Variants in GOSR2 observed in about 807,000 individuals in gnomAD.
GOSR2 encodes the protein golgi SNAP receptor complex member 2.
GOSR2 carries 20 observed loss-of-function variants against 27.9 expected under a neutral mutation model. The ratio of observed to expected loss-of-function variants is 0.72; its 90% CI spans 0.50 to 1.04. GOSR2 has a LOEUF of 1.04. Ranked by LOEUF, GOSR2 falls within the 50% of genes least tolerant of loss-of-function variation. The pLI is 0.00. For missense variants in GOSR2, 261 were observed against 270.5 expected, an observed-to-expected ratio of 0.97 and a Z score of 0.25; for synonymous variants, 91 against 98.8, an observed-to-expected ratio of 0.92 and a Z score of 0.47.
intron 5 of GOSR2, chr17:46,935,562 C>A: frequency 8.4e-7 from 1 of 1,194,744 alleles, no homozygotes; most frequent in Non-Finnish European, 1.0e-6. Flanking sequence ...CCCTTAGGAC[C>A]CCTACTGTGG....
intron 1 of GOSR2, among the ~76,000 whole-genome samples, chr17:46,925,914 T>G (rs890897895): frequency 6.6e-6 from 1 of 152,212 alleles, no homozygotes; most frequent in Non-Finnish European, 1.5e-5. Context: ...TAGATGAACT[T>G]TATAGAGGAG....
chr17:46,930,617 A>G (rs1598974079), intron 2 of GOSR2: 1 of 158,940 alleles, frequency 6.3e-6, no homozygotes, highest in East Asian at 1.9e-4. Flanking sequence ...TCTTCTCTGT[A>G]TGTTTCACAT....
At chr17:46,967,288 T>C (rs1324995735), downstream of GOSR2, among the ~76,000 whole-genome samples, 1 of 152,182 alleles carries the variant, frequency 6.6e-6, no homozygotes, top group African/African-American at 2.4e-5. Flanking sequence ...CTCAAACAAG[T>C]CTCTTACCCT....
At chr17:46,931,669 G>T in intron 3 of GOSR2, 1 of 174,770 alleles carries the variant, frequency 5.7e-6, no homozygotes. Context: ...CACCCCCAGC[G>T]CCTGTTTCCA....
At chr17:46,935,710 C>T (rs191127704) in intron 5 of GOSR2, 7 of 988,728 alleles carry the variant, frequency 7.1e-6, no homozygotes, top group Admixed American at 1.2e-4. Flanking sequence ...GTGATCCCAG[C>T]GACTCTTCAC....
chr17:46,969,452 G>C (rs919091420), downstream of GOSR2, among the ~76,000 whole-genome samples: 2 of 152,160 alleles, frequency 1.3e-5, no homozygotes, highest in African/African-American at 4.8e-5. Context: ...TTTCCCCTAT[G>C]TCACAGTGAG....
rs112865738 is a variant in GOSR2 at position 46,953,697 on chromosome 17, G to C, written c.584-12837G>C. 8.6e-5 allele frequency among the ~76,000 whole-genome samples: 13 copies of C among 151,974 alleles called. No homozygotes were observed. In the East Asian group the frequency reaches 2.1e-3, roughly 25 times the overall value. ...AAAGTGTTCCTATTTCTCTCCAGCA[G>C]CTGTTGTTTCCTGACTTTTTAATGA... is the stretch of plus-strand genomic sequence containing the variant. On this transcript the variant is annotated intron_variant, in intron 6 of 6. Coordinates refer to the GOSR2 transcript ENST00000573224.
intron 6 of GOSR2, among the ~76,000 whole-genome samples, chr17:46,953,372 T>G (rs908744388): frequency 6.6e-6 from 1 of 152,232 alleles, no homozygotes; most frequent in African/African-American, 2.4e-5. Flanking sequence ...ACAAAGAATA[T>G]GAGCTCATCA....
At chr17:46,948,297 A>G (rs1254146111) in intron 6 of GOSR2, among the ~76,000 whole-genome samples, 2 of 152,234 alleles carry the variant, frequency 1.3e-5, no homozygotes, top group Non-Finnish European at 2.9e-5. Context: ...ACAGCCCAGG[A>G]CATAGAAAGA....
intron 3 of GOSR2, chr17:46,931,581 A>G (rs1416600424): frequency 6.3e-6 from 2 of 317,958 alleles, no homozygotes; most frequent in Non-Finnish European, 1.2e-5. Context: ...CACTTCAATC[A>G]GTCCACCCAT....
chr17:46,936,491 G>T (rs1262568034), intron 5 of GOSR2: 1 of 985,446 alleles, frequency 1.0e-6, no homozygotes, highest in Non-Finnish European at 1.2e-6. Flanking sequence ...TGGCTACCTG[G>T]TGTTTGTCTC....
At chr17:46,973,171 G>A (rs535861004) in intron 6 of GOSR2, 20 of 153,786 alleles carry the variant, frequency 1.3e-4, no homozygotes, top group Middle Eastern at 5.2e-4. Flanking sequence ...CTGGAATGCC[G>A]GATGAGGGCC....
At chr17:46,957,697 G>A (rs942224257) in intron 6 of GOSR2, among the ~76,000 whole-genome samples, 1 of 152,204 alleles carries the variant, frequency 6.6e-6, no homozygotes, top group Admixed American at 6.5e-5. Context: ...AGGACATGAA[G>A]GAAGATTTGT....
Position 46,936,831 on chromosome 17 carries a change from G to A in GOSR2, c.477+1662G>A, listed in dbSNP as rs1265754920. ...CTGATCTCTGATGGCAATGAAGTTT[G>A]ACTTGTAATTTCTCTGGCTGAGGCT... On this transcript the variant is annotated intron_variant, in intron 5 of 5. Coordinates refer to ENST00000640051, the MANE Select transcript of GOSR2 (RefSeq NM_004287.5). The A allele has an allele frequency of 1.0e-5, 10 of 984,962 alleles. No individual in the cohort carries two copies. In the Middle Eastern group the frequency reaches 2.1e-3, roughly 204 times the overall value. 61.0% of individuals were successfully genotyped at this position (984,962 alleles called of 1,614,324 possible). A position where few individuals can be genotyped will look rare whatever the true frequency, so the allele number is the denominator to read the frequency against.
chr17:46,956,122 T>C (rs1340267444), intron 6 of GOSR2, among the ~76,000 whole-genome samples: 2 of 152,054 alleles, frequency 1.3e-5, no homozygotes, highest in Non-Finnish European at 2.9e-5. Context: ...AGGGTCCATC[T>C]TAACCTTCAG....
At position 46,939,363 on chromosome 17, in the gene GOSR2, A is replaced by ATAACAAGTAAGAT; in HGVS notation, c.*605_*617dup. On this transcript the variant is annotated 3_prime_UTR_variant, in exon 6 of 6. Transcript: ENST00000640051. The stretch of plus-strand genomic sequence containing the variant: ...GAAACAAGATGTAGTGCTATTGCCG[A>ATAACAAGTAAGAT]TAACAAGTAAGATTTTCCACACTAC... 2.0e-6 allele frequency: 2 copies of ATAACAAGTAAGAT among 1,002,624 alleles called. No individual in the cohort carries two copies. Among genetic ancestry groups the ATAACAAGTAAGAT allele is most frequent in the Non-Finnish European group, 2.4e-6 (2 of 838,286 alleles). 62.1% of individuals were successfully genotyped at this position (1,002,624 alleles called of 1,614,324 possible). A position where few individuals can be genotyped will look rare whatever the true frequency, so the allele number is the denominator to read the frequency against.
intron 6 of GOSR2, among the ~76,000 whole-genome samples, chr17:46,954,527 A>G (rs1372358566): frequency 1.3e-5 from 2 of 152,192 alleles, no homozygotes; most frequent in African/African-American, 4.8e-5. Flanking sequence ...TTGGTTCCAT[A>G]TGAACTTTAA....
chr17:46,936,298 A>C (rs576902731), intron 5 of GOSR2: 1 of 985,114 alleles, frequency 1.0e-6, no homozygotes, highest in Non-Finnish European at 1.2e-6. Flanking sequence ...ACTCCATGTC[A>C]CACTGATGAA....
chr17:46,965,335 T>C (rs1361293931), intron 6 of GOSR2, among the ~76,000 whole-genome samples: 2 of 152,246 alleles, frequency 1.3e-5, no homozygotes, highest in Admixed American at 1.3e-4. Context: ...TGACAAAGCC[T>C]GAGTGTTGCC....
Sources: gnomAD v4.1 joint callset for allele counts (sites outside exome capture counted in the v4.1 genomes callset) on GRCh38, gnomAD v4.1.1 for gene constraint, MANE v1.5 for transcripts, NCBI Gene and HGNC (gene_info 2026-07-23, HGNC 2026-07-21) for gene names.